Variants in DAB1 observed in about 807,000 individuals in gnomAD.
The protein encoded by DAB1 is DAB adaptor protein 1, also known as disabled homolog 1.
In DAB1, 15 loss-of-function variants were observed where a neutral mutation model predicts 64.6. The observed-to-expected ratio is 0.23, with a 90% confidence interval of 0.16 to 0.36. The LOEUF is 0.36. DAB1 is among the 10% of genes least tolerant of loss of function. DAB1 has a pLI of 1.00. For missense variants in DAB1, 596 were observed against 706.7 expected (o/e 0.84, Z 1.78); for synonymous variants, 235 against 251.9 (o/e 0.93, Z 0.64).
chr1:57,544,891 C>T (rs1480525062), intron 7 of DAB1, among the ~76,000 whole-genome samples: 1 of 152,200 alleles, frequency 6.6e-6, no homozygotes, highest in African/African-American at 2.4e-5. Context: ...CCCCGCCATG[C>T]GGAACTGTGA....
At chr1:57,517,083 A>G (rs576376905) in intron 7 of DAB1, among the ~76,000 whole-genome samples, 3 of 152,294 alleles carry the variant, frequency 2.0e-5, no homozygotes, top group East Asian at 1.9e-4. Flanking sequence ...TTTGTTTTCA[A>G]AATCTCTAGC....
At chr1:58,001,537 GGC>G (rs1337918801) in intron 5 of DAB1, among the ~76,000 whole-genome samples, 2 of 152,194 alleles carry the variant, frequency 1.3e-5, no homozygotes, top group African/African-American at 4.8e-5. Context: ...TGGGATTACA[GGC>G]ACGAGCCACC....
intron 4 of DAB1, among the ~76,000 whole-genome samples, chr1:58,335,807 A>G (rs577963304): frequency 4.5e-4 from 69 of 152,318 alleles, no homozygotes; most frequent in Admixed American, 1.6e-3. Context: ...GAGTAACTGA[A>G]TGAATTATGG....
chr1:58,466,017 G>A (rs1301216288), intron 3 of DAB1, among the ~76,000 whole-genome samples: 1 of 152,166 alleles, frequency 6.6e-6, no homozygotes, highest in Non-Finnish European at 1.5e-5. Flanking sequence ...TGGTGGCCAT[G>A]GAGAATATTC....
chr1:57,657,917 C>A lies in DAB1; in HGVS notation n.552-8252G>T, dbSNP rs1235316544. On this transcript the variant is annotated intron_variant and non_coding_transcript_variant, in intron 6 of 20. Transcript: ENST00000485760. ...ATAATATAGTTCATAAATCTTCGACCCCTAGTAGCTTTGACAGATTGATTC... is the reference window on the plus strand; with the variant it reads ...ATAATATAGTTCATAAATCTTCGACACCTAGTAGCTTTGACAGATTGATTC... Among the ~76,000 whole-genome samples the A allele has an allele frequency of 3.3e-5, 5 of 152,188 alleles. 1 individual carries two copies. Among genetic ancestry groups the A allele is most frequent in the Admixed American group, 3.3e-4 (5 of 15,290 alleles).
At chr1:58,057,438 C>A (rs1648198184) in intron 5 of DAB1, among the ~76,000 whole-genome samples, 1 of 152,058 alleles carries the variant, frequency 6.6e-6, no homozygotes, top group Non-Finnish European at 1.5e-5. Flanking sequence ...TTGAATTAGA[C>A]CAATAGGGTC....
chr1:57,313,901 A>G (rs545796), intron 1 of DAB1, among the ~76,000 whole-genome samples: 138,916 of 152,214 alleles, frequency 0.91, 63,576 homozygotes, highest in East Asian at 1. Flanking sequence ...CACCGTGTGA[A>G]GTTACAGTGA....
chr1:57,378,896 C>A (rs560562411), intron 1 of DAB1, among the ~76,000 whole-genome samples: 1 of 152,278 alleles, frequency 6.6e-6, no homozygotes, highest in Admixed American at 6.5e-5. Flanking sequence ...ACTGTTGCTA[C>A]TCCAAACATT....
At chr1:57,996,121 T>C (rs920610658) in intron 5 of DAB1, among the ~76,000 whole-genome samples, 12 of 152,062 alleles carry the variant, frequency 7.9e-5, no homozygotes, top group African/African-American at 2.9e-4. Context: ...TAGCTAGGCA[T>C]GGTGGCGGGT....
intron 5 of DAB1, among the ~76,000 whole-genome samples, chr1:57,996,016 T>C (rs1646419253): frequency 6.6e-6 from 1 of 152,166 alleles, no homozygotes; most frequent in South Asian, 2.1e-4. Context: ...CCCAGCACTT[T>C]GGAAGACCGA....
chr1:57,230,401 C>CA (rs71870999), intron 2 of DAB1, among the ~76,000 whole-genome samples: 8 of 149,188 alleles, frequency 5.4e-5, no homozygotes, highest in Non-Finnish European at 8.9e-5. Context: ...ATCAGATTTT[C>CA]AAAAAAAATG....
chr1:57,745,054 T>C (rs989913084), intron 6 of DAB1, among the ~76,000 whole-genome samples: 1 of 152,208 alleles, frequency 6.6e-6, no homozygotes, highest in Non-Finnish European at 1.5e-5. Context: ...GAGAATGAAC[T>C]CTGCCATTTA....
intron 7 of DAB1, among the ~76,000 whole-genome samples, chr1:57,555,160 A>G (rs2805853): frequency 0.95 from 143,285 of 150,990 alleles, 68,352 homozygotes; most frequent in East Asian, 1. Flanking sequence ...TCAGCCTCCC[A>G]AGTAGCTGGG....
chr1:57,927,945 A>G (rs962045847), intron 5 of DAB1, among the ~76,000 whole-genome samples: 4 of 152,334 alleles, frequency 2.6e-5, no homozygotes, highest in Non-Finnish European at 5.9e-5. Context: ...CTCTATTGCC[A>G]TCCACCAATC....
chr1:58,490,874 C>T lies in DAB1; in HGVS notation n.257+15186G>A, dbSNP rs1203017890. Among the ~76,000 whole-genome samples, 8 of 133,934 alleles carry T rather than the reference C, an allele frequency of 6.0e-5. No homozygotes were observed. In the East Asian group the frequency reaches 7.3e-4, roughly 12 times the overall value. 87.9% of individuals were successfully genotyped at this position (133,934 alleles called of 152,430 possible). ...AGGCTGGAGTGCAGTGGCGCGATCT[C>T]GGCTCACAGCAAGCTCTGCCTCCTG... On this transcript the variant is annotated intron_variant and non_coding_transcript_variant, in intron 3 of 20. Coordinates refer to the DAB1 transcript ENST00000485760.
intron 2 of DAB1, among the ~76,000 whole-genome samples, chr1:57,238,219 C>G (rs1301167453): frequency 6.6e-6 from 1 of 152,128 alleles, no homozygotes; most frequent in Admixed American, 6.5e-5. Flanking sequence ...AATTCTGTGC[C>G]CTGCCTGAGA....
intron 9 of DAB1, among the ~76,000 whole-genome samples, chr1:57,034,546 A>T (rs1647077362): frequency 6.6e-6 from 1 of 152,214 alleles, no homozygotes; most frequent in South Asian, 2.1e-4. Context: ...ATGAATGCAC[A>T]TTCGAGAAGT....
At chr1:57,709,788 G>A (rs949723493) in intron 6 of DAB1, among the ~76,000 whole-genome samples, 1 of 152,120 alleles carries the variant, frequency 6.6e-6, no homozygotes, top group Admixed American at 6.6e-5. Flanking sequence ...TTATTATGCA[G>A]ATGGGTTCTC....
chr1:57,001,156 G>C (rs1645849113), intron 14 of DAB1, among the ~76,000 whole-genome samples: 1 of 152,180 alleles, frequency 6.6e-6, no homozygotes, highest in East Asian at 1.9e-4. Context: ...AGACTTAGAG[G>C]GGAGCTAAAG....
Sources: allele counts gnomAD v4.1 joint callset (sites outside exome capture counted in the v4.1 genomes callset), GRCh38; gene constraint gnomAD v4.1.1; transcripts MANE v1.5; gene names NCBI Gene and HGNC (gene_info 2026-07-23, HGNC 2026-07-21).